MTMR11: variants seen among roughly 807,000 people sequenced by gnomAD.
The protein encoded by MTMR11 is myotubularin related protein 11.
In MTMR11, 89 loss-of-function variants were observed where a neutral mutation model predicts 100.0. The observed-to-expected ratio is 0.89, with a 90% CI of 0.75 to 1.06. The LOEUF is 1.06. MTMR11 is among the 50% of genes least tolerant of loss of function. MTMR11 has a pLI of 0.00. For synonymous variants in MTMR11, 336 were observed against 326.3 expected (o/e 1.03, Z -0.32); for missense variants, 809 against 873.7 (o/e 0.93, Z 0.93).
chr1:149,936,014 T>C (rs1432744526), intron 2 of MTMR11, 140 bp downstream of exon 2: 3 of 951,462 alleles, frequency 3.2e-6, no homozygotes, highest in African/African-American at 3.2e-5. Context: ...CTCTAGAGGC[T>C]GTCAGGGAGG....
In MTMR11 at chr1:149,932,331, C is replaced by T. The variant is rs1553767863; in HGVS notation, c.986-1G>A. On this transcript the variant is annotated splice_acceptor_variant, in intron 10 of 16. Transcript: ENST00000439741. LOFTEE classifies it high-confidence loss of function. ...CATTTATCCTCAGCTACAGATGAAT[C>T]TGATAGAGGGTAGAAAGATCAGAAG... is the stretch of plus-strand genomic sequence containing the variant. 1.2e-6 allele frequency: 2 copies of T among 1,612,580 alleles called. No homozygotes were observed. Among genetic ancestry groups the T allele is most frequent in the East Asian group, 2.2e-5 (1 of 44,878 alleles).
At chr1:149,930,096 G>T in intron 15 of MTMR11, 180 bp from the exon 16 acceptor site, 2 of 738,396 alleles carry the variant, frequency 2.7e-6, no homozygotes, top group South Asian at 2.0e-5. Context: ...CCTCGGGACT[G>T]ATTAAGGTTG....
chr1:149,929,969 T>C, intron 15 of MTMR11, 53 bp from the exon 16 acceptor site: 1 of 1,552,928 alleles, frequency 6.4e-7, no homozygotes, highest in Non-Finnish European at 8.7e-7. Flanking sequence ...AACCCTAGTT[T>C]CCCCAATCTG....
At position 149,935,676 on chromosome 1, in the gene MTMR11, C is replaced by T. The variant is rs2092712426; in HGVS notation, c.172G>A (p.Val58Met). The T allele has an allele frequency of 6.2e-7, 1 of 1,612,632 alleles. No homozygotes were observed. Among genetic ancestry groups the T allele is most frequent in the Non-Finnish European group, 8.5e-7 (1 of 1,179,324 alleles). ...GEQILAWAPG[V>M]RKGLEPELSG... ...AATTCTGGTTCCAGGCCCTTCCTCA[C>T]CCCTGGGGCCCATGCTAGGATCTGC... Residue 58 changes from valine (V) to methionine (M), a missense_variant, in exon 3 of 17, where the codon GTG becomes ATG. Coordinates refer to ENST00000439741, the MANE Select transcript of MTMR11 (RefSeq NM_001145862.2).
chr1:149,929,980 G>A, intron 15 of MTMR11, 64 bp from the exon 16 acceptor site: 1 of 1,522,868 alleles, frequency 6.6e-7, no homozygotes, highest in Non-Finnish European at 8.9e-7. Context: ...CCCCAATCTG[G>A]ATCAGGACAG....
In MTMR11 at chr1:149,929,143, C is replaced by T. The variant is rs2092620591; in HGVS notation, c.2116G>A (p.Gly706Arg). ...IAGILKGRAE[G>R]DLG The stretch of plus-strand genomic sequence containing the variant: ...AGAACCCTCCTCTACCCCAGATCCC[C>T]CTCTGCCCTGCCTTTGAGAATGCCA... Residue 706 changes from glycine (G) to arginine (R), a missense_variant, in exon 17 of 17, where the codon GGG becomes AGG. Transcript: ENST00000439741. 2 of 1,613,492 alleles carry T rather than the reference C, an allele frequency of 1.2e-6. No homozygotes were observed. Among genetic ancestry groups the T allele is most frequent in the South Asian group, 1.1e-5 (1 of 91,044 alleles).
At position 149,934,202 on chromosome 1, in the gene MTMR11, G is replaced by A. The variant is rs782293597; in HGVS notation, c.672C>T (p.Asp224=). 10 of 1,613,902 alleles carry A rather than the reference G, an allele frequency of 6.2e-6. No individual in the cohort carries two copies. The African/African-American group carries it at 6.7e-5, about 11-fold the overall frequency. ...CACTGGGGGATCACCTGGTGGCTAC[G>A]TCGAACCTCTCGTTGACCGTGCTGA... ...WRVSTVNERF[D]VATSLPRYFW... Residue 224 remains aspartate (D), a synonymous_variant, in exon 7 of 17, where the codon GAC becomes GAT. Coordinates refer to ENST00000439741, the MANE Select transcript of MTMR11 (RefSeq NM_001145862.2).
Position 149,928,854 on chromosome 1 carries a change from C to T in MTMR11, c.*275G>A, listed in dbSNP as rs782556541. 1 of 1,610,738 alleles carries T rather than the reference C, an allele frequency of 6.2e-7. No individual in the cohort carries two copies. The highest frequency in any genetic ancestry group is 2.2e-5 in the East Asian group (1 of 44,860). The stretch of plus-strand genomic sequence containing the variant: ...TTGTTGGGACTGATGAACAGCATCT[C>T]TGATCTCATGATTTAACATCTGGTT... On this transcript the variant is annotated 3_prime_UTR_variant, in exon 17 of 17. Coordinates refer to ENST00000439741, the MANE Select transcript of MTMR11 (RefSeq NM_001145862.2).
At chr1:149,930,170 A>C (rs1553767161) in intron 15 of MTMR11, 195 bp downstream of exon 15, 3 of 693,274 alleles carry the variant, frequency 4.3e-6, no homozygotes, top group Non-Finnish European at 7.1e-6. Context: ...AGGAAGGACA[A>C]AAAGGGTGCC....
At chr1:149,936,126 T>C (rs782485953) in intron 2 of MTMR11, 28 bp downstream of exon 2, 1 of 1,596,228 alleles carries the variant, frequency 6.3e-7, no homozygotes, top group Non-Finnish European at 8.6e-7. Context: ...AATTTGGAAG[T>C]CTTTGGAGAG....
chr1:149,931,368 G>T lies in MTMR11; in HGVS notation c.1182C>A (p.Ala394=). The T allele has an allele frequency of 1.2e-6, 2 of 1,613,746 alleles. No homozygotes were observed. Among genetic ancestry groups the T allele is most frequent in the South Asian group, 1.1e-5 (1 of 91,050 alleles). ...LLSSLVQLLS[A]PEARTLFGFQ... ...AGCCAAACAGTGTTCGGGCTTCGGG[G>T]GCTGAAAGCAGCTGGACGAGTGAAG... Residue 394 remains alanine, a synonymous_variant, in exon 13 of 17, where the codon GCC becomes GCA. Coordinates refer to ENST00000439741, the MANE Select transcript of MTMR11 (RefSeq NM_001145862.2).
rs2092613886 is a variant in MTMR11 at position 149,928,748 on chromosome 1, A to G, written c.*381T>C. ...TGTTTCCTGTATCCGCCTCATTCCC[A>G]TAGAAAACTATAAGGGAAGAAATAG... On this transcript the variant is annotated 3_prime_UTR_variant, in exon 17 of 17. Coordinates refer to ENST00000439741, the MANE Select transcript of MTMR11 (RefSeq NM_001145862.2). 3 of 1,005,960 alleles carry G rather than the reference A, an allele frequency of 3.0e-6. No homozygotes were observed. Among genetic ancestry groups the G allele is most frequent in the Non-Finnish European group, 4.6e-6 (3 of 649,164 alleles). 62.3% of individuals were successfully genotyped at this position (1,005,960 alleles called of 1,614,324 possible). A position where few individuals can be genotyped will look rare whatever the true frequency, so the allele number is the denominator to read the frequency against.
intron 15 of MTMR11, 46 bp from the exon 16 acceptor site, chr1:149,929,962 C>A: frequency 6.4e-7 from 1 of 1,561,994 alleles, no homozygotes; most frequent in Non-Finnish European, 8.7e-7. Flanking sequence ...ACCAGATAAC[C>A]CTAGTTTCCC....
rs782122517 is a variant in MTMR11 at position 149,928,701 on chromosome 1, C to T, written c.*428G>A. ...AGCCCCTTAAATAGAAATTCCACTA[C>T]AAAAATACAGAGGAGATAGGGTGTT... is the stretch of plus-strand genomic sequence containing the variant. On this transcript the variant is annotated 3_prime_UTR_variant, in exon 17 of 17. Coordinates refer to ENST00000439741, the MANE Select transcript of MTMR11 (RefSeq NM_001145862.2). The T allele has an allele frequency of 6.1e-6, 4 of 652,688 alleles. No individual in the cohort carries two copies. The highest frequency in any genetic ancestry group is 1.1e-5 in the Non-Finnish European group (4 of 378,112). The allele number at this position is 652,688 out of a possible 1,614,324, so 40.4% of individuals were successfully genotyped here.
chr1:149,936,248 A>AG lies in MTMR11; in HGVS notation c.67-20dup, dbSNP rs200895871. On this transcript the variant is annotated intron_variant, in intron 1 of 16. Transcript: ENST00000439741. ...GGACAGACTTTGGTCCAGAGGGTTG[A>AG]GGGGGGTCTAGAGTTAACCCCTAGG... 10,252 of 1,613,436 alleles carry AG rather than the reference A, an allele frequency of 6.4e-3. 618 individuals are homozygous for AG. In the African/African-American group the frequency reaches 0.12, roughly 19 times the overall value.
At position 149,936,722 on chromosome 1, in the gene MTMR11, G is replaced by A. The variant is rs1553769371; in HGVS notation, c.-75C>T. On this transcript the variant is annotated 5_prime_UTR_variant, in exon 1 of 17. Transcript: ENST00000439741. Reference sequence around the variant, plus strand: ...GGATGCTCACCCACCTCGGGGAGAGGCTGAGTCTTGTTGAGAAGAGGGGTG... The same window carrying A: ...GGATGCTCACCCACCTCGGGGAGAGACTGAGTCTTGTTGAGAAGAGGGGTG... 9.0e-6 allele frequency: 9 copies of A among 1,001,472 alleles called. No individual in the cohort carries two copies. The South Asian group carries it at 1.1e-4, about 12-fold the overall frequency. The allele number at this position is 1,001,472 out of a possible 1,614,324, so 62.0% of individuals were successfully genotyped here.
At position 149,933,442 on chromosome 1, in the gene MTMR11, G is replaced by A. The variant is rs1194855552; in HGVS notation, c.949C>T (p.Leu317Phe). 1 of 1,614,172 alleles carries A rather than the reference G, an allele frequency of 6.2e-7. No homozygotes were observed. Among genetic ancestry groups the A allele is most frequent in the Non-Finnish European group, 8.5e-7 (1 of 1,180,032 alleles). Residue 317 changes from leucine (L) to phenylalanine (F), a missense_variant, in exon 10 of 17, where the codon CTT becomes TTT. Coordinates refer to ENST00000439741, the MANE Select transcript of MTMR11 (RefSeq NM_001145862.2). ...AGGGCCCTCAGCCTCAGGTGGGCAA[G>A]TTGGACATCTGCAAGGCTGGGCAGC... ...DELPSLADVQ[L>F]AHLRLRALCL...
chr1:149,930,813 C>T lies in MTMR11; in HGVS notation c.1443G>A (p.Glu481=). The change falls in exon 14 of 17, where the codon GAG becomes GAA. Residue 481 remains glutamate (E), a synonymous_variant. Coordinates refer to ENST00000439741, the MANE Select transcript of MTMR11 (RefSeq NM_001145862.2). ...TGACCTGTCCGCTCTGCTTTCCGCG[C>T]TCCCAGGGGGTATTTCTCAGGAAGG... ...TLTFLRNTPW[E]RGKQSGQLNS... 1 of 1,582,986 alleles carries T rather than the reference C, an allele frequency of 6.3e-7. No homozygotes were observed. Among genetic ancestry groups the T allele is most frequent in the Non-Finnish European group, 8.6e-7 (1 of 1,168,882 alleles).
intron 1 of MTMR11, 139 bp downstream of exon 1, chr1:149,936,443 G>C (rs148806170): frequency 1.1e-5 from 15 of 1,382,494 alleles, no homozygotes; most frequent in Middle Eastern, 1.8e-4. Context: ...GAGAAAGACG[G>C]ACCAGGCTCC....
Sources: allele counts gnomAD v4.1 joint callset, GRCh38; gene constraint gnomAD v4.1.1; transcripts MANE v1.5; gene names NCBI Gene and HGNC (gene_info 2026-07-23, HGNC 2026-07-21).